Variants in GAPVD1 observed in about 807,000 individuals in gnomAD.
The protein encoded by GAPVD1 is GTPase activating protein and VPS9 domains 1, also known as GTPase-activating protein and VPS9 domain-containing protein 1.
In GAPVD1, 35 loss-of-function variants were observed where a neutral mutation model predicts 155.5. The ratio of observed to expected loss-of-function variants is 0.23; its 90% CI spans 0.17 to 0.30. The LOEUF (loss-of-function observed/expected upper bound fraction) is 0.30. GAPVD1 is among the 10% of genes least tolerant of loss of function. The pLI, the probability that GAPVD1 is intolerant of heterozygous loss-of-function variation, is 1.00. For missense variants in GAPVD1, 1,429 were observed against 1,775.7 expected (o/e 0.80, Z 3.51); for synonymous variants, 636 against 619.7 (o/e 1.03, Z -0.39).
intron 12 of GAPVD1, among the ~76,000 whole-genome samples, chr9:125,328,899 G>C (rs142007724): frequency 1.3e-5 from 2 of 152,312 alleles, no homozygotes; most frequent in Admixed American, 6.5e-5. Flanking sequence ...TCGGGAGGCC[G>C]AGGCTGGCGG....
At chr9:125,357,087 A>G (rs1280331831) in intron 25 of GAPVD1, among the ~76,000 whole-genome samples, 1 of 152,014 alleles carries the variant, frequency 6.6e-6, no homozygotes, top group Admixed American at 6.6e-5. Flanking sequence ...GATAAGAGCT[A>G]GGATAACAGG....
At chr9:125,293,872 A>ATATATATAAATATATTT (rs1839277288) in intron 2 of GAPVD1, among the ~76,000 whole-genome samples, 1 of 14,620 alleles carries the variant, frequency 6.8e-5, no homozygotes, top group African/African-American at 3.6e-4. Flanking sequence ...ATATATATAT[A>ATATATATAAATATATTT]TATATATATA....
chr9:125,353,458 C>A (rs1849592152), intron 23 of GAPVD1, among the ~76,000 whole-genome samples: 1 of 152,198 alleles, frequency 6.6e-6, no homozygotes. Flanking sequence ...CCATCCTCTG[C>A]CTGTTACCCA....
chr9:125,322,818 C>T (rs1338384517), intron 10 of GAPVD1, among the ~76,000 whole-genome samples: 1 of 151,788 alleles, frequency 6.6e-6, no homozygotes, highest in Non-Finnish European at 1.5e-5. Context: ...TTTGGGATGC[C>T]GAGGTGGGTG....
chr9:125,341,317 A>G, intron 18 of GAPVD1, 53 bp downstream of exon 18: 2 of 901,146 alleles, frequency 2.2e-6, no homozygotes, highest in Non-Finnish European at 1.8e-6. Flanking sequence ...GCAAAGCCCC[A>G]GAATCTCTTT....
intron 9 of GAPVD1, among the ~76,000 whole-genome samples, chr9:125,319,874 C>A (rs1172600422): frequency 6.6e-6 from 1 of 152,268 alleles, no homozygotes; most frequent in Non-Finnish European, 1.5e-5. Flanking sequence ...GGGTTACAGG[C>A]ATGAGCCGCC....
chr9:125,283,195 G>A (rs1287291815), intron 2 of GAPVD1, among the ~76,000 whole-genome samples: 3 of 151,726 alleles, frequency 2.0e-5, no homozygotes, highest in Non-Finnish European at 4.4e-5. Flanking sequence ...GAGTAGCTGG[G>A]ATTACAGGCA....
At chr9:125,331,821 A>G in intron 13 of GAPVD1, 105 bp from the exon 14 acceptor site, 1 of 994,600 alleles carries the variant, frequency 1.0e-6, no homozygotes, top group Non-Finnish European at 1.6e-6. Flanking sequence ...ATTTGCACTG[A>G]TTTTATTCAT....
chr9:125,358,166 C>T (rs893360081), intron 25 of GAPVD1, among the ~76,000 whole-genome samples: 1 of 152,044 alleles, frequency 6.6e-6, no homozygotes, highest in African/African-American at 2.4e-5. Context: ...AGTGCAATGG[C>T]GCAATCTTGG....
rs186402754 is a variant in GAPVD1 at position 125,329,088 on chromosome 9, G to A, written c.2033-990G>A. Among the ~76,000 whole-genome samples the A allele has an allele frequency of 7.0e-4, 107 of 152,280 alleles. 2 individuals are homozygous for A. In the East Asian group the frequency reaches 0.019, roughly 26 times the overall value. On this transcript the variant is annotated intron_variant, in intron 12 of 27. Coordinates refer to ENST00000297933, the MANE Select transcript of GAPVD1 (RefSeq NM_001282680.3). Reference sequence around the variant, plus strand: ...GATGGCAGCAGTACAGTCCAGCTTCGGCTCCGCATGAGAGGGAGACCGTGG... The same window carrying A: ...GATGGCAGCAGTACAGTCCAGCTTCAGCTCCGCATGAGAGGGAGACCGTGG...
At position 125,351,971 on chromosome 9, in the gene GAPVD1, C is replaced by T. The variant is rs568671832; in HGVS notation, c.3569+1099C>T. Among the ~76,000 whole-genome samples, 11 of 152,270 alleles carry T rather than the reference C, an allele frequency of 7.2e-5. No homozygotes were observed. In the East Asian group the frequency reaches 2.1e-3, roughly 30 times the overall value. On this transcript the variant is annotated intron_variant, in intron 23 of 27. Coordinates refer to ENST00000297933, the MANE Select transcript of GAPVD1 (RefSeq NM_001282680.3). ...AGCCAGGCTGGTCTTGAACTCCTGA[C>T]CTCAAGTGATCCACCTAACTCAGCC...
At chr9:125,322,542 A>G (rs1324060111) in intron 10 of GAPVD1, among the ~76,000 whole-genome samples, 1 of 152,202 alleles carries the variant, frequency 6.6e-6, no homozygotes, top group Non-Finnish European at 1.5e-5. Context: ...TGTTGATAGC[A>G]GTTGACGTTT....
chr9:125,265,195 T>C (rs1343952612), intron 1 of GAPVD1, among the ~76,000 whole-genome samples: 1 of 152,200 alleles, frequency 6.6e-6, no homozygotes, highest in Non-Finnish European at 1.5e-5. Context: ...GTTCTTGTTT[T>C]GCTGAGGTTC....
chr9:125,349,274 G>A, intron 20 of GAPVD1, 116 bp from the exon 21 acceptor site: 1 of 803,150 alleles, frequency 1.2e-6, no homozygotes, highest in East Asian at 2.6e-5. Context: ...TTTTTCCAGA[G>A]AACTCTTATT....
chr9:125,315,641 A>G (rs956213279), intron 9 of GAPVD1, among the ~76,000 whole-genome samples: 12 of 152,126 alleles, frequency 7.9e-5, no homozygotes, highest in African/African-American at 2.9e-4. Flanking sequence ...ATTTGTCAAA[A>G]GTATTGAAAA....
chr9:125,299,662 GAAA>G (rs965004604), intron 4 of GAPVD1, among the ~76,000 whole-genome samples: 14 of 144,374 alleles, frequency 9.7e-5, no homozygotes, highest in African/African-American at 3.6e-4. Flanking sequence ...CTCCTCAAAA[GAAA>G]AAAAAAATGT....
At chr9:125,351,848 C>T (rs897086823) in intron 23 of GAPVD1, among the ~76,000 whole-genome samples, 28 of 152,028 alleles carry the variant, frequency 1.8e-4, no homozygotes, top group African/African-American at 6.5e-4. Flanking sequence ...TCAAGCAGTT[C>T]CCCTGCCTCA....
chr9:125,327,386 A>C (rs1352800798), intron 12 of GAPVD1, among the ~76,000 whole-genome samples: 1 of 152,176 alleles, frequency 6.6e-6, no homozygotes, highest in Non-Finnish European at 1.5e-5. Context: ...CAGGGGGTAC[A>C]TGTGCAGATT....
intron 22 of GAPVD1, 30 bp downstream of exon 22, chr9:125,350,434 C>T: frequency 7.1e-7 from 1 of 1,400,864 alleles, no homozygotes; most frequent in Non-Finnish European, 1.0e-6. Context: ...TTTAATTTTT[C>T]CTATGTTTAT....
Sources: gnomAD v4.1 joint callset for allele counts (sites outside exome capture counted in the v4.1 genomes callset) on GRCh38, gnomAD v4.1.1 for gene constraint, MANE v1.5 for transcripts, NCBI Gene and HGNC (gene_info 2026-07-23, HGNC 2026-07-21) for gene names.